The following FAM81A variants were observed in gnomAD, a reference collection of about 807,000 sequenced individuals.
The protein encoded by FAM81A is family with sequence similarity 81 member A.
FAM81A carries 19 observed loss-of-function variants against 46.7 expected under a neutral mutation model. That is an observed-to-expected ratio of 0.41 (90% confidence interval 0.28 to 0.60). FAM81A has a LOEUF of 0.60. Ranked by LOEUF, FAM81A falls within the 20% of genes least tolerant of loss-of-function variation. FAM81A has a pLI of 0.34. For synonymous variants in FAM81A, 183 were observed against 152.9 expected, an observed-to-expected ratio of 1.20 and a Z score of -1.45; for missense variants, 377 against 453.5, an observed-to-expected ratio of 0.83 and a Z score of 1.53.
intron 2 of FAM81A, 56 bp downstream of exon 2, chr15:59,458,702 C>T (rs2081513546): frequency 7.4e-6 from 11 of 1,494,798 alleles, no homozygotes; most frequent in Admixed American, 3.4e-5. Flanking sequence ...GTGATAGTTA[C>T]AAATCAAAGC....
intron 2 of FAM81A, among the ~76,000 whole-genome samples, chr15:59,404,532 C>T (rs1164275961): frequency 6.6e-6 from 1 of 152,194 alleles, no homozygotes; most frequent in Non-Finnish European, 1.5e-5. Context: ...GCGACCATAG[C>T]TCACTGTAGC....
At chr15:59,481,239 C>T (rs1283142239) in intron 3 of FAM81A, among the ~76,000 whole-genome samples, 1 of 152,142 alleles carries the variant, frequency 6.6e-6, no homozygotes, top group African/African-American at 2.4e-5. Flanking sequence ...CTCAGGCAAT[C>T]CTCCTGCCTC....
At chr15:59,514,202 A>G (rs970731968) in intron 6 of FAM81A, 87 bp from the exon 7 acceptor site, 18 of 1,330,450 alleles carry the variant, frequency 1.4e-5, no homozygotes, top group South Asian at 3.3e-5. Flanking sequence ...ACAAATCTGT[A>G]TATCCTCAAC....
intron 4 of FAM81A, among the ~76,000 whole-genome samples, chr15:59,499,889 G>A (rs1340922170): frequency 5.2e-5 from 7 of 135,572 alleles, no homozygotes; most frequent in Non-Finnish European, 1.1e-4. Flanking sequence ...CAGATACCCT[G>A]TCGCCCAGGC....
intron 2 of FAM81A, among the ~76,000 whole-genome samples, chr15:59,425,357 T>A (rs1307347755): frequency 1.3e-5 from 2 of 152,248 alleles, no homozygotes; most frequent in African/African-American, 4.8e-5. Context: ...AGTCTTTGAA[T>A]CTTGGAGTCC....
At chr15:59,405,734 G>C (rs1263538060) in intron 2 of FAM81A, among the ~76,000 whole-genome samples, 1 of 152,134 alleles carries the variant, frequency 6.6e-6, no homozygotes. Context: ...CACACACAAG[G>C]AGAGAACAAA....
At chr15:59,474,902 T>A (rs1274211403) in intron 3 of FAM81A, among the ~76,000 whole-genome samples, 4 of 152,246 alleles carry the variant, frequency 2.6e-5, no homozygotes, top group Non-Finnish European at 1.5e-5. Flanking sequence ...CCTGATCTTC[T>A]ATAATCGACT....
At chr15:59,478,382 G>A (rs2081801133) in intron 3 of FAM81A, among the ~76,000 whole-genome samples, 2 of 152,178 alleles carry the variant, frequency 1.3e-5, no homozygotes, top group Non-Finnish European at 2.9e-5. Flanking sequence ...AAGGACTACT[G>A]GAGTTTTTGA....
intron 2 of FAM81A, among the ~76,000 whole-genome samples, chr15:59,417,223 A>G (rs906713550): frequency 1.3e-5 from 2 of 152,172 alleles, no homozygotes; most frequent in Admixed American, 6.5e-5. Context: ...TGCTCTCCAC[A>G]TTCTGATTCT....
At chr15:59,476,535 T>G (rs2081770955) in intron 3 of FAM81A, among the ~76,000 whole-genome samples, 1 of 152,158 alleles carries the variant, frequency 6.6e-6, no homozygotes, top group African/African-American at 2.4e-5. Context: ...TCCCATCACT[T>G]TGGGTGTGGG....
rs1171055848 is a variant in FAM81A at position 59,514,432 on chromosome 15, T to C, written c.786+8T>C. The C allele has an allele frequency of 6.8e-6, 11 of 1,608,532 alleles. No homozygotes were observed. Among genetic ancestry groups the C allele is most frequent in the Admixed American group, 1.7e-5 (1 of 57,838 alleles). Reference sequence around the variant, plus strand: ...ATTGTTAAGGAAAACAGTGTAGGTATTGATGTTTAGCAAAAATTTAGTAAA... The same window carrying C: ...ATTGTTAAGGAAAACAGTGTAGGTACTGATGTTTAGCAAAAATTTAGTAAA... On this transcript the variant is annotated splice_region_variant and intron_variant, in intron 7 of 8. Coordinates refer to ENST00000288228, the MANE Select transcript of FAM81A (RefSeq NM_152450.3).
At chr15:59,438,609 T>G (rs1318795441) in intron 1 of FAM81A, 3 of 152,370 alleles carry the variant, frequency 2.0e-5, no homozygotes, top group South Asian at 2.1e-4. Context: ...GCCGACCCAC[T>G]ACTCAGAGTG....
At chr15:59,516,897 T>A in intron 8 of FAM81A, 57 bp downstream of exon 8, 1 of 1,449,464 alleles carries the variant, frequency 6.9e-7, no homozygotes, top group Non-Finnish European at 9.2e-7. Flanking sequence ...CTAAAACCTA[T>A]TAATTAGTAT....
At chr15:59,424,283 C>G (rs956395697) in intron 2 of FAM81A, among the ~76,000 whole-genome samples, 1 of 152,228 alleles carries the variant, frequency 6.6e-6, no homozygotes, top group Admixed American at 6.5e-5. Context: ...TATGAAGGCT[C>G]TTTCTTCTCA....
chr15:59,411,323 G>A (rs547343397), intron 2 of FAM81A, among the ~76,000 whole-genome samples: 2 of 152,152 alleles, frequency 1.3e-5, no homozygotes, highest in African/African-American at 4.8e-5. Flanking sequence ...ACTGGACTCA[G>A]AGGAGAAGAT....
rs900393208 is a variant in FAM81A, at chr15:59,460,177, A to G, written c.265A>G (p.Ile89Val). The G allele has an allele frequency of 2.5e-6, 4 of 1,613,942 alleles. No individual in the cohort carries two copies. Among genetic ancestry groups the G allele is most frequent in the African/African-American group, 2.7e-5 (2 of 74,938 alleles). ...LEEHIRNITAIVKQLNRDIEV... is the reference protein window; with the variant it reads ...LEEHIRNITAVVKQLNRDIEV... ...GGAGCATATCAGAAACATAACTGCC[A>G]TAGTGAAGCAACTTAATCGGGATAT... The change falls in exon 3 of 9, where the codon ATA becomes GTA. Residue 89 changes from isoleucine to valine, a missense_variant. Coordinates refer to ENST00000288228, the MANE Select transcript of FAM81A (RefSeq NM_152450.3). The surrounding 1 kb of genome is among the most constrained non-coding windows in gnomAD (Gnocchi z 4.4).
chr15:59,448,376 GAA>G (rs1356161850), intron 1 of FAM81A, among the ~76,000 whole-genome samples: 2 of 151,738 alleles, frequency 1.3e-5, no homozygotes, highest in Non-Finnish European at 2.9e-5. Context: ...GACTCTGCCT[GAA>G]AAAAAAGAAA....
At chr15:59,475,006 T>A (rs188943826) in intron 3 of FAM81A, among the ~76,000 whole-genome samples, 357 of 152,352 alleles carry the variant, frequency 2.3e-3, no homozygotes, top group African/African-American at 8.3e-3. Context: ...TAGCTTTAGT[T>A]CTCACTGAGT....
chr15:59,400,739 C>A (rs1473718901), intron 1 of FAM81A, among the ~76,000 whole-genome samples: 1 of 152,160 alleles, frequency 6.6e-6, no homozygotes, highest in Non-Finnish European at 1.5e-5. Context: ...CCAGTGAATC[C>A]CAGTCTCTTT....
Sources: gnomAD v4.1 joint callset for allele counts (sites outside exome capture counted in the v4.1 genomes callset) on GRCh38, gnomAD v4.1.1 for gene constraint, Gnocchi (gnomAD v3.1) non-coding constraint, MANE v1.5 for transcripts, NCBI Gene and HGNC (gene_info 2026-07-23, HGNC 2026-07-21) for gene names.